TRIM69: variants seen among roughly 807,000 people sequenced by gnomAD.
TRIM69 encodes the protein tripartite motif containing 69.
In TRIM69, 29 loss-of-function variants were observed where a neutral mutation model predicts 37.7. The observed-to-expected ratio is 0.77, with a 90% confidence interval of 0.57 to 1.05. The LOEUF is 1.05. Ranked by LOEUF, TRIM69 falls within the 50% of genes least tolerant of loss-of-function variation. TRIM69 has a pLI of 0.00. For synonymous variants in TRIM69, 209 were observed against 212.4 expected (o/e 0.98, Z 0.14); for missense variants, 596 against 579.9 (o/e 1.03, Z -0.28).
rs745908816 is a variant in TRIM69 at position 44,755,148 on chromosome 15, T to C, written c.255T>C (p.Cys85=). ...ETFCPECKML[C]QYNNCTFNPV... The stretch of plus-strand genomic sequence containing the variant: ...TCTGTCCTGAGTGTAAGATGCTATG[T>C]CAGTATAACAACTGTACATTCAACC... The change falls in exon 2 of 7, where the codon TGT becomes TGC. Residue 85 remains cysteine (C), a synonymous_variant. Coordinates refer to ENST00000329464, the MANE Select transcript of TRIM69 (RefSeq NM_182985.5). 13 of 1,614,080 alleles carry C rather than the reference T, an allele frequency of 8.1e-6. 1 individual carries two copies. The South Asian group carries it at 1.4e-4, about 18-fold the overall frequency.
chr15:44,767,053 CAAAAAAAA>C (rs55736812), intron 6 of TRIM69, among the ~76,000 whole-genome samples, 170 bp from the exon 7 acceptor site: 156 of 24,302 alleles, frequency 6.4e-3, no homozygotes, highest in African/African-American at 0.017. Flanking sequence ...TTGTCTGCCT[CAAAAAAAA>C]AAAAAAAAAA....
chr15:44,746,750 G>GACACA (rs2087416212), intron 1 of TRIM69, among the ~76,000 whole-genome samples: 1 of 150,276 alleles, frequency 6.7e-6, no homozygotes, highest in African/African-American at 2.4e-5. Flanking sequence ...ACGTGCACGT[G>GACACA]CACACACACA....
chr15:44,759,589 T>C lies in TRIM69; in HGVS notation c.814-51T>C, dbSNP rs747306293. The stretch of plus-strand genomic sequence containing the variant: ...GGTGGCTGGTATCACCAAAGAAATT[T>C]TGAGAGTTGATGAACGGGCATCTGA... On this transcript the variant is annotated intron_variant, in intron 4 of 6. Transcript: ENST00000329464. The C allele has an allele frequency of 2.5e-6, 4 of 1,600,922 alleles. No homozygotes were observed. In the South Asian group the frequency reaches 4.5e-5, roughly 18 times the overall value.
At chr15:44,762,482 G>A (rs1188824271) in intron 6 of TRIM69, among the ~76,000 whole-genome samples, 1 of 151,996 alleles carries the variant, frequency 6.6e-6, no homozygotes, top group East Asian at 1.9e-4. Flanking sequence ...CCTTCTTGGA[G>A]TCTAATTTTA....
At chr15:44,737,666 G>A (rs1643269893) in intron 1 of TRIM69, among the ~76,000 whole-genome samples, 1 of 152,086 alleles carries the variant, frequency 6.6e-6, no homozygotes, top group Non-Finnish European at 1.5e-5. Flanking sequence ...TCAGAATCTT[G>A]CCTTCTTATG....
chr15:44,767,192 C>T (rs6493127), intron 6 of TRIM69, 39 bp from the exon 7 acceptor site: 1,478,566 of 1,558,684 alleles, frequency 0.95, 702,153 homozygotes, highest in African/African-American at 0.99. Flanking sequence ...GTTTACCCCC[C>T]TTTCTCCCAT....
At chr15:44,750,950 C>CTTTTTTTTTT (rs71111890) in intron 1 of TRIM69, among the ~76,000 whole-genome samples, 2 of 33,568 alleles carry the variant, frequency 6.0e-5, no homozygotes, top group African/African-American at 2.4e-4. Flanking sequence ...TTTCTTTTGC[C>CTTTTTTTTTT]TTTTTTTTTT....
chr15:44,742,963 A>G (rs1253402083), intron 1 of TRIM69, among the ~76,000 whole-genome samples: 4 of 151,734 alleles, frequency 2.6e-5, no homozygotes, highest in Admixed American at 1.3e-4. Flanking sequence ...GGAAAAAACT[A>G]CTTTAAAGTT....
At chr15:44,759,515 G>A (rs921432884) in intron 4 of TRIM69, 125 bp from the exon 5 acceptor site, 2 of 891,502 alleles carry the variant, frequency 2.2e-6, no homozygotes, top group Non-Finnish European at 3.5e-6. Flanking sequence ...TATGAAGGAT[G>A]AAAGAAGTTG....
intron 6 of TRIM69, 147 bp from the exon 7 acceptor site, chr15:44,767,084 A>G (rs2087909346): frequency 2.6e-6 from 1 of 386,862 alleles, no homozygotes; most frequent in African/African-American, 2.2e-5. Context: ...AAAAAAAAAA[A>G]GCATATAAGT....
chr15:44,746,448 T>C (rs1288944042), intron 1 of TRIM69, among the ~76,000 whole-genome samples: 1 of 152,224 alleles, frequency 6.6e-6, no homozygotes, highest in Non-Finnish European at 1.5e-5. Flanking sequence ...TACCTATTTT[T>C]GGTTTGTAAC....
At chr15:44,746,535 G>A (rs895842364) in intron 1 of TRIM69, among the ~76,000 whole-genome samples, 1 of 152,072 alleles carries the variant, frequency 6.6e-6, no homozygotes, top group African/African-American at 2.4e-5. Flanking sequence ...ATCAATCTTA[G>A]TTTAAAACTC....
chr15:44,755,585 C>G (rs537609745), intron 2 of TRIM69, among the ~76,000 whole-genome samples: 1 of 152,266 alleles, frequency 6.6e-6, no homozygotes, highest in East Asian at 1.9e-4. Flanking sequence ...GGCTTACTCC[C>G]TCAATCAAAT....
chr15:44,744,918 G>C (rs2087371149), intron 1 of TRIM69, among the ~76,000 whole-genome samples: 1 of 152,046 alleles, frequency 6.6e-6, no homozygotes, highest in Non-Finnish European at 1.5e-5. Flanking sequence ...CCTGGGGAAA[G>C]GCATAATAGT....
intron 1 of TRIM69, chr15:44,754,010 C>G (rs1367944358): frequency 6.6e-6 from 1 of 152,226 alleles, no homozygotes; most frequent in Non-Finnish European, 1.5e-5. Context: ...GCCGCAGTGC[C>G]CGGCTGCTTC....
intron 1 of TRIM69, among the ~76,000 whole-genome samples, chr15:44,738,050 CTTTCTTTTTTT>C (rs1327827400): frequency 2.1e-4 from 25 of 117,988 alleles, no homozygotes; most frequent in Non-Finnish European, 2.9e-4. Context: ...TACTTTCTTT[CTTTCTTTTTTT>C]TTTTTTTTTT....
Position 44,766,401 on chromosome 15 carries a change from C to T in TRIM69, c.962-830C>T, listed in dbSNP as rs377681594. 7.9e-5 allele frequency among the ~76,000 whole-genome samples: 12 copies of T among 152,292 alleles called. No homozygotes were observed. In the East Asian group the frequency reaches 2.1e-3, roughly 27 times the overall value. On this transcript the variant is annotated intron_variant, in intron 6 of 6. Coordinates refer to ENST00000329464, the MANE Select transcript of TRIM69 (RefSeq NM_182985.5). ...ACCAAAATAAACCTCTCACTATTGT[C>T]CTCTAAACTCTGTACCAGTTAGTTC... is the stretch of plus-strand genomic sequence containing the variant.
At chr15:44,762,446 T>A (rs968336435) in intron 6 of TRIM69, among the ~76,000 whole-genome samples, 13 of 152,176 alleles carry the variant, frequency 8.5e-5, no homozygotes, top group African/African-American at 3.1e-4. Context: ...CTTCAAATAC[T>A]TTTTTACCAA....
At chr15:44,736,788 G>A in intron 1 of TRIM69, 78 bp downstream of exon 1, 2 of 1,538,352 alleles carry the variant, frequency 1.3e-6, no homozygotes, top group Non-Finnish European at 1.8e-6. Context: ...AAGAGGATAT[G>A]GATTTAGGAG....
Sources: gnomAD v4.1 joint callset for allele counts (sites outside exome capture counted in the v4.1 genomes callset) on GRCh38, gnomAD v4.1.1 for gene constraint, MANE v1.5 for transcripts, NCBI Gene and HGNC (gene_info 2026-07-23, HGNC 2026-07-21) for gene names.